ZNF30: variants seen among roughly 807,000 people sequenced by gnomAD.
ZNF30 encodes the protein zinc finger protein 30.
Under a neutral mutation model 13.2 loss-of-function variants are expected in ZNF30, and 15 were observed. That is an observed-to-expected ratio of 1.13 (90% CI 0.76 to 1.75). The LOEUF (loss-of-function observed/expected upper bound fraction) is 1.75, where lower values mean the gene tolerates loss of function less well. Among genes scored for constraint, ZNF30 ranks in the 40% most tolerant of loss-of-function variants. The pLI is 0.00. For synonymous variants in ZNF30, 223 were observed against 256.6 expected, an observed-to-expected ratio of 0.87 and a Z score of 1.25; for missense variants, 726 against 757.0, an observed-to-expected ratio of 0.96 and a Z score of 0.48.
At chr19:34,940,701 C>T (rs1037080429) in intron 4 of ZNF30, among the ~76,000 whole-genome samples, 10 of 145,548 alleles carry the variant, frequency 6.9e-5, no homozygotes, top group Non-Finnish European at 1.1e-4. Context: ...AATAGAATAT[C>T]ATATGGATTA....
rs3761066 is a variant in ZNF30, at chr19:34,944,685, C to T, written c.1719C>T (p.Cys573=). 298,320 of 1,613,588 alleles carry T rather than the reference C, an allele frequency of 0.18. 28,882 individuals are homozygous for T. The highest frequency in any genetic ancestry group is 0.35 in the East Asian group (15,833 of 44,862). ...AGAAACCTTTTGAATGTAAGGAATG[C>T]GGGAAGGCCTTTAGACTTAATTCAT... is the stretch of plus-strand genomic sequence containing the variant. ...TGEKPFECKE[C]GKAFRLNSFL... The change falls in exon 5 of 5, where the codon TGC becomes TGT. Residue 573 remains cysteine, a synonymous_variant. Coordinates refer to ENST00000601142, the MANE Select transcript of ZNF30 (RefSeq NM_194325.3).
intron 1 of ZNF30, 71 bp downstream of exon 1, chr19:34,927,287 G>T (rs969017691): frequency 5.7e-6 from 2 of 350,154 alleles, no homozygotes; most frequent in African/African-American, 4.2e-5. Context: ...GGGAGGGTGC[G>T]TCGGCCGGGG....
At chr19:34,928,294 G>A (rs1169851375) in intron 1 of ZNF30, among the ~76,000 whole-genome samples, 1 of 139,906 alleles carries the variant, frequency 7.1e-6, no homozygotes, top group East Asian at 2.1e-4. Flanking sequence ...AAATTAAGTG[G>A]AAACAAGTGT....
chr19:34,943,263 G>C lies in ZNF30; in HGVS notation c.297G>C (p.Met99Ile). The C allele has an allele frequency of 1.2e-6, 2 of 1,609,072 alleles. No individual in the cohort carries two copies. The highest frequency in any genetic ancestry group is 4.5e-5 in the East Asian group (2 of 44,792). ...LEDDTIGCKE[M>I]PTSENCPSFA... ...ATGATACAATCGGCTGTAAAGAAAT[G>C]CCCACCTCTGAAAACTGTCCATCTT... The change falls in exon 5 of 5, where the codon ATG becomes ATC. Residue 99 changes from methionine (M) to isoleucine (I), a missense_variant. Coordinates refer to ENST00000601142, the MANE Select transcript of ZNF30 (RefSeq NM_194325.3).
chr19:34,943,117 A>T, intron 4 of ZNF30, 106 bp from the exon 5 acceptor site: 1 of 760,896 alleles, frequency 1.3e-6, no homozygotes, highest in Non-Finnish European at 2.0e-6. Context: ...TTTTAATATT[A>T]CTGAGCTATT....
At chr19:34,941,358 A>G (rs1053730019) in intron 4 of ZNF30, among the ~76,000 whole-genome samples, 2 of 152,170 alleles carry the variant, frequency 1.3e-5, no homozygotes, top group Admixed American at 6.5e-5. Context: ...TCTGCCTCCC[A>G]GGTTCAAGTG....
chr19:34,935,700 G>GTT (rs142285130), intron 4 of ZNF30, among the ~76,000 whole-genome samples: 43 of 84,212 alleles, frequency 5.1e-4, no homozygotes, highest in Non-Finnish European at 7.0e-4. Context: ...GTTGTCTATA[G>GTT]TTTTTTTTTT....
rs2013271608 is a variant in ZNF30, at chr19:34,945,074, A to G, written c.*236A>G. 1 of 448,110 alleles carries G rather than the reference A, an allele frequency of 2.2e-6. No homozygotes were observed. The highest frequency in any genetic ancestry group is 3.9e-6 in the Non-Finnish European group (1 of 257,228). 27.8% of individuals were successfully genotyped at this position (448,110 alleles called of 1,614,324 possible). A position where few individuals can be genotyped will look rare whatever the true frequency, so the allele number is the denominator to read the frequency against. Reference sequence around the variant, plus strand: ...AAAAAGTGGGAAACGTTATTACTTAATGGTTACAGCACTGACAGCATGAAC... The same window carrying G: ...AAAAAGTGGGAAACGTTATTACTTAGTGGTTACAGCACTGACAGCATGAAC... On this transcript the variant is annotated 3_prime_UTR_variant, in exon 5 of 5. Transcript: ENST00000601142.
At chr19:34,925,410 G>A (rs2651127), upstream of ZNF30, among the ~76,000 whole-genome samples, 14,501 of 152,168 alleles carry the variant, frequency 0.095, 1,765 homozygotes, top group African/African-American at 0.28. Flanking sequence ...CCCTGGAATC[G>A]GGCTGCTCCG....
intron 4 of ZNF30, among the ~76,000 whole-genome samples, chr19:34,942,901 T>C (rs2013117908): frequency 1.3e-5 from 2 of 152,230 alleles, no homozygotes; most frequent in Non-Finnish European, 2.9e-5. Flanking sequence ...TTAGAAAGGT[T>C]GACAGTATTG....
At chr19:34,928,252 TATAGATAGATAGATAG>T (rs61316053) in intron 1 of ZNF30, among the ~76,000 whole-genome samples, 19 of 56,552 alleles carry the variant, frequency 3.4e-4, no homozygotes, top group African/African-American at 2.0e-3. Flanking sequence ...TATATATATA[TATAGATAGATAGATAG>T]ATAGATACAT....
upstream of ZNF30, among the ~76,000 whole-genome samples, chr19:34,926,024 A>C (rs1362690473): frequency 6.6e-6 from 1 of 152,130 alleles, no homozygotes; most frequent in Non-Finnish European, 1.5e-5. Context: ...ATATACAAAA[A>C]TTAGCCAGGT....
chr19:34,943,253 G>T lies in ZNF30; in HGVS notation c.287G>T (p.Cys96Phe), dbSNP rs780396394. ...DLQLEDDTIG[C>F]KEMPTSENCP... ...CAGTTGGAAGATGATACAATCGGCT[G>T]TAAAGAAATGCCCACCTCTGAAAAC... The change falls in exon 5 of 5, where the codon TGT (cysteine) becomes TTT (phenylalanine). Residue 96 changes from cysteine to phenylalanine, a missense_variant. By Grantham distance (205) the Cys-to-Phe change is radical. Coordinates refer to ENST00000601142, the MANE Select transcript of ZNF30 (RefSeq NM_194325.3). 6.2e-7 allele frequency: 1 copy of T among 1,602,436 alleles called. No homozygotes were observed. Among genetic ancestry groups the T allele is most frequent in the Non-Finnish European group, 8.5e-7 (1 of 1,174,342 alleles).
chr19:34,924,921 G>C (rs1047041650), upstream of ZNF30, among the ~76,000 whole-genome samples: 2 of 152,200 alleles, frequency 1.3e-5, no homozygotes, highest in African/African-American at 4.8e-5. Flanking sequence ...ATTCCAATAA[G>C]GCTAAAAACT....
rs201853603 is a variant in ZNF30, at chr19:34,944,088, C to T, written c.1122C>T (p.Cys374=). 1.4e-3 allele frequency: 2,217 copies of T among 1,613,652 alleles called. 9 individuals carry two copies. The highest frequency in any genetic ancestry group is 1.0e-3 in the Non-Finnish European group (1,238 of 1,179,742). The change falls in exon 5 of 5, where the codon TGC becomes TGT. Residue 374 remains cysteine, a synonymous_variant. Coordinates refer to ENST00000601142, the MANE Select transcript of ZNF30 (RefSeq NM_194325.3). ...RIHAEIKPYG[C]KECGRTFSRA... is the part of the protein sequence containing the mutation. ...ATGCAGAGATAAAGCCCTACGGATG[C>T]AAGGAATGCGGGAGAACCTTCAGTC...
Position 34,933,633 on chromosome 19 carries a change from TC to T in ZNF30, c.169del (p.Arg57ValfsTer6). On this transcript the variant is annotated frameshift_variant, in exon 4 of 5. Transcript: ENST00000601142. LOFTEE classifies it high-confidence loss of function. The stretch of plus-strand genomic sequence containing the variant: ...CATTCTTATCTCATAAGCAGGACAT[TC>T]CCGTTCTAAACCACATGTGATCGCC... ...NYRNLVSMGH[S>X]RSKPHVIALL... 6.3e-7 allele frequency: 1 copy of T among 1,595,796 alleles called. No homozygotes were observed. Among genetic ancestry groups the T allele is most frequent in the Non-Finnish European group, 8.5e-7 (1 of 1,170,296 alleles).
chr19:34,940,154 G>T (rs1266574191), intron 4 of ZNF30, among the ~76,000 whole-genome samples: 1 of 152,114 alleles, frequency 6.6e-6, no homozygotes, highest in Non-Finnish European at 1.5e-5. Flanking sequence ...AATACTGAAG[G>T]TTAAGACAGG....
chr19:34,929,524 A>G (rs2012323992), intron 1 of ZNF30, among the ~76,000 whole-genome samples: 2 of 152,138 alleles, frequency 1.3e-5, no homozygotes, highest in Admixed American at 1.3e-4. Context: ...GTCACCATTA[A>G]AGAAGCTCTG....
At position 34,944,413 on chromosome 19, in the gene ZNF30, C is replaced by T. The variant is rs921354877; in HGVS notation, c.1447C>T (p.Pro483Ser). The T allele has an allele frequency of 5.6e-6, 9 of 1,613,966 alleles. No individual in the cohort carries two copies. In the African/African-American group the frequency reaches 1.1e-4, roughly 19 times the overall value. ...TCGGAAAATTCATACTGATGTAAAG[C>T]CCTATGAATGTAAGGAATGTGGAAA... is the stretch of plus-strand genomic sequence containing the variant. The part of the protein sequence containing the change: ...QHRKIHTDVK[P>S]YECKECGKTF... The change falls in exon 5 of 5, where the codon CCC becomes TCC. Residue 483 changes from proline to serine, a missense_variant. By Grantham distance (74) the Pro-to-Ser change is moderately conservative. Coordinates refer to ENST00000601142, the MANE Select transcript of ZNF30 (RefSeq NM_194325.3).
Sources: gnomAD v4.1 joint callset for allele counts (sites outside exome capture counted in the v4.1 genomes callset) on GRCh38, gnomAD v4.1.1 for gene constraint, MANE v1.5 for transcripts, NCBI Gene and HGNC (gene_info 2026-07-23, HGNC 2026-07-21) for gene names.